SYNDIG1: variants seen among roughly 807,000 people sequenced by gnomAD.
SYNDIG1 encodes the protein synapse differentiation-inducing gene protein 1.
Under a neutral mutation model 19.4 loss-of-function variants are expected in SYNDIG1, and 9 were observed. The observed-to-expected ratio is 0.46, with a 90% CI of 0.28 to 0.81. The LOEUF (loss-of-function observed/expected upper bound fraction) is 0.81. SYNDIG1 is among the 30% of genes least tolerant of loss of function. The probability of loss-of-function intolerance (pLI) is 0.12; values close to 1 mark genes in which losing one functional copy is unlikely to be tolerated. For synonymous variants in SYNDIG1, 141 were observed against 145.9 expected (o/e 0.97, Z 0.24); for missense variants, 311 against 343.3 (o/e 0.91, Z 0.74).
chr20:24,528,084 C>T (rs974878375), intron 1 of SYNDIG1, among the ~76,000 whole-genome samples: 2 of 152,150 alleles, frequency 1.3e-5, no homozygotes, highest in Non-Finnish European at 2.9e-5. Flanking sequence ...GATTTTCCTT[C>T]GCAATCAGTA....
chr20:24,493,195 A>G (rs1188133880), intron 1 of SYNDIG1, among the ~76,000 whole-genome samples: 1 of 152,256 alleles, frequency 6.6e-6, no homozygotes, highest in African/African-American at 2.4e-5. Context: ...TCCAATTAGC[A>G]CATACTTATA....
chr20:24,579,384 A>G (rs2058284821), intron 2 of SYNDIG1, among the ~76,000 whole-genome samples: 1 of 152,214 alleles, frequency 6.6e-6, no homozygotes, highest in African/African-American at 2.4e-5. Context: ...GCTTGGTTAA[A>G]TCCTTGTCTG....
At chr20:24,530,043 G>GAGA (rs2057223202) in intron 1 of SYNDIG1, among the ~76,000 whole-genome samples, 1 of 256 alleles carries the variant, frequency 3.9e-3, no homozygotes, top group Non-Finnish European at 0.014. Context: ...GGTGGTAATG[G>GAGA]TGAGGGTGGT....
At chr20:24,589,212 CTTAT>C (rs1385788070) in intron 3 of SYNDIG1, among the ~76,000 whole-genome samples, 1 of 152,090 alleles carries the variant, frequency 6.6e-6, no homozygotes, top group Non-Finnish European at 1.5e-5. Flanking sequence ...CACACTTTAT[CTTAT>C]TTAATCTTTG....
intron 1 of SYNDIG1, among the ~76,000 whole-genome samples, chr20:24,520,003 T>A (rs761789319): frequency 6.6e-6 from 1 of 152,180 alleles, no homozygotes; most frequent in Non-Finnish European, 1.5e-5. Context: ...TATTTAATAG[T>A]GCATTTCTCC....
chr20:24,554,412 G>C (rs533631203), intron 2 of SYNDIG1, among the ~76,000 whole-genome samples: 1 of 152,268 alleles, frequency 6.6e-6, no homozygotes, highest in East Asian at 1.9e-4. Context: ...TCCAGTTTTT[G>C]CCCATTCAGT....
At chr20:24,653,494 G>C (rs1172250545) in intron 3 of SYNDIG1, among the ~76,000 whole-genome samples, 1 of 152,196 alleles carries the variant, frequency 6.6e-6, no homozygotes, top group East Asian at 1.9e-4. Flanking sequence ...CAGTCAGAAT[G>C]CCTCCAGCCT....
intron 1 of SYNDIG1, among the ~76,000 whole-genome samples, chr20:24,529,017 C>T (rs1230859528): frequency 1.3e-5 from 2 of 152,126 alleles, no homozygotes; most frequent in Non-Finnish European, 2.9e-5. Flanking sequence ...GAGATGAAGC[C>T]CCTCTGGCCC....
intron 1 of SYNDIG1, among the ~76,000 whole-genome samples, chr20:24,474,658 G>A (rs1179278588): frequency 6.6e-6 from 1 of 152,168 alleles, no homozygotes; most frequent in Non-Finnish European, 1.5e-5. Flanking sequence ...TACTGGGGTG[G>A]CATTTAGAGA....
chr20:24,509,901 C>A (rs757025920), intron 1 of SYNDIG1, among the ~76,000 whole-genome samples: 9 of 152,166 alleles, frequency 5.9e-5, no homozygotes, highest in Non-Finnish European at 1.3e-4. Context: ...GGGGTGGTTT[C>A]TTCATGAACG....
chr20:24,619,509 CCATCCT>C (rs1391745615), intron 3 of SYNDIG1, among the ~76,000 whole-genome samples: 1 of 152,240 alleles, frequency 6.6e-6, no homozygotes, highest in East Asian at 1.9e-4. Flanking sequence ...GACAAGTCTG[CCATCCT>C]CATGTTCCTG....
At chr20:24,663,392 A>G (rs2059620471) in intron 3 of SYNDIG1, among the ~76,000 whole-genome samples, 1 of 152,156 alleles carries the variant, frequency 6.6e-6, no homozygotes, top group Admixed American at 6.5e-5. Context: ...TGAGCATGAG[A>G]GCTCTGGTGC....
intron 2 of SYNDIG1, among the ~76,000 whole-genome samples, chr20:24,584,045 A>G (rs1230644317): frequency 6.6e-6 from 1 of 152,212 alleles, no homozygotes; most frequent in African/African-American, 2.4e-5. Flanking sequence ...TTTTTAAAAT[A>G]TAAAATTAAA....
At chr20:24,519,681 C>A (rs1175128306) in intron 1 of SYNDIG1, among the ~76,000 whole-genome samples, 1 of 152,202 alleles carries the variant, frequency 6.6e-6, no homozygotes, top group Non-Finnish European at 1.5e-5. Flanking sequence ...CAGAGAATGG[C>A]AGCCATGTGG....
At chr20:24,540,583 A>G (rs1321347524) in intron 1 of SYNDIG1, among the ~76,000 whole-genome samples, 1 of 152,186 alleles carries the variant, frequency 6.6e-6, no homozygotes, top group Non-Finnish European at 1.5e-5. Context: ...CATGAAAAGG[A>G]AAAGCATCAA....
intron 3 of SYNDIG1, among the ~76,000 whole-genome samples, chr20:24,659,784 C>G (rs1214814675): frequency 6.6e-6 from 1 of 152,220 alleles, no homozygotes; most frequent in Non-Finnish European, 1.5e-5. Flanking sequence ...GTCAGCCTCT[C>G]AATTCCCTTT....
At chr20:24,480,218 C>T (rs1183091568) in intron 1 of SYNDIG1, among the ~76,000 whole-genome samples, 5 of 152,098 alleles carry the variant, frequency 3.3e-5, no homozygotes, top group African/African-American at 7.2e-5. Context: ...GCAGAACAAC[C>T]GAAGATGAAA....
At chr20:24,560,875 C>CAA (rs373604713) in intron 2 of SYNDIG1, among the ~76,000 whole-genome samples, 62 of 141,924 alleles carry the variant, frequency 4.4e-4, no homozygotes, top group African/African-American at 9.0e-4. Context: ...TTCTAAAAAA[C>CAA]AAAAAAAAAA....
intron 1 of SYNDIG1, among the ~76,000 whole-genome samples, chr20:24,519,981 T>C (rs1264554212): frequency 6.6e-6 from 1 of 152,176 alleles, no homozygotes; most frequent in African/African-American, 2.4e-5. Flanking sequence ...CTTTCTCTCT[T>C]AGTTTATTTT....
Sources: allele counts gnomAD v4.1 joint callset (sites outside exome capture counted in the v4.1 genomes callset), GRCh38; gene constraint gnomAD v4.1.1; transcripts MANE v1.5; gene names NCBI Gene and HGNC (gene_info 2026-07-23, HGNC 2026-07-21).